The following CTNNA2 variants were observed in gnomAD, a reference collection of about 807,000 sequenced individuals.
The protein encoded by CTNNA2 is catenin alpha 2, also known as catenin alpha-2.
CTNNA2 carries 42 observed loss-of-function variants against 101.0 expected under a neutral mutation model. The ratio of observed to expected loss-of-function variants is 0.42; its 90% CI spans 0.32 to 0.54. The LOEUF (loss-of-function observed/expected upper bound fraction) is 0.54, where lower values mean the gene tolerates loss of function less well. Ranked by LOEUF, CTNNA2 falls within the 20% of genes least tolerant of loss-of-function variation. The pLI, the probability that CTNNA2 is intolerant of heterozygous loss-of-function variation, is 0.14. For synonymous variants in CTNNA2, 450 were observed against 456.4 expected (o/e 0.99, Z 0.18); for missense variants, 871 against 1,223.1 (o/e 0.71, Z 4.29).
intron 7 of CTNNA2, among the ~76,000 whole-genome samples, chr2:80,062,702 CTTTTT>C (rs70940073): frequency 8.5e-4 from 100 of 117,480 alleles, no homozygotes; most frequent in Non-Finnish European, 1.1e-3. Flanking sequence ...GCACTGTGAT[CTTTTT>C]TTTTTTTTTT....
At chr2:79,904,215 A>G (rs1289167029) in intron 6 of CTNNA2, among the ~76,000 whole-genome samples, 1 of 152,064 alleles carries the variant, frequency 6.6e-6, no homozygotes, top group Non-Finnish European at 1.5e-5. Context: ...CCATAACATC[A>G]TTAGCCATTT....
At chr2:79,451,294 G>A (rs1304529559) in intron 4 of CTNNA2, among the ~76,000 whole-genome samples, 1 of 152,066 alleles carries the variant, frequency 6.6e-6, no homozygotes, top group Non-Finnish European at 1.5e-5. Flanking sequence ...TTACAGATCT[G>A]CAGATTCTGC....
chr2:80,533,750 G>A lies in CTNNA2; in HGVS notation c.1291-11232G>A, dbSNP rs145934471. 5.3e-3 allele frequency among the ~76,000 whole-genome samples: 806 copies of A among 152,262 alleles called. 3 individuals are homozygous for A. The highest frequency in any genetic ancestry group is 9.3e-3 in the Non-Finnish European group (634 of 68,018). ...ACTTACATGAGATGCTGAAAACTAA[G>A]TAATAGTGGAGAGTTGCAAGGTTTT... On this transcript the variant is annotated intron_variant, in intron 9 of 18. Coordinates refer to ENST00000402739, the MANE Select transcript of CTNNA2 (RefSeq NM_001282597.3).
At chr2:80,224,547 C>T (rs750904909) in intron 7 of CTNNA2, among the ~76,000 whole-genome samples, 19 of 152,100 alleles carry the variant, frequency 1.2e-4, no homozygotes, top group South Asian at 4.2e-4. Context: ...TGGGTTCAAG[C>T]GATTCTCCTG....
At chr2:79,684,977 C>G (rs77621739) in intron 2 of CTNNA2, among the ~76,000 whole-genome samples, 2,900 of 152,220 alleles carry the variant, frequency 0.019, 56 homozygotes, top group African/African-American at 0.047. Flanking sequence ...AACAATGCAC[C>G]TACTTCATAA....
intron 2 of CTNNA2, among the ~76,000 whole-genome samples, chr2:79,716,788 A>G (rs1039524414): frequency 2.6e-5 from 4 of 152,158 alleles, no homozygotes; most frequent in African/African-American, 7.2e-5. Context: ...AAGAAAATCA[A>G]ATTTTAACAG....
intron 7 of CTNNA2, among the ~76,000 whole-genome samples, chr2:79,918,254 T>C (rs1373857608): frequency 1.3e-5 from 2 of 152,160 alleles, no homozygotes; most frequent in South Asian, 2.1e-4. Context: ...AATGAACTCA[T>C]AGGAATGTAA....
chr2:79,292,865 G>A (rs1675861827), intron 2 of CTNNA2: 1 of 152,204 alleles, frequency 6.6e-6, no homozygotes, highest in Admixed American at 6.5e-5. Context: ...CCCTTGTCTG[G>A]TCAGTATCAC....
intron 3 of CTNNA2, among the ~76,000 whole-genome samples, chr2:79,760,903 T>A (rs1456190387): frequency 6.6e-6 from 1 of 151,570 alleles, no homozygotes. Flanking sequence ...AAGCAGGGTG[T>A]TACGTGTGCC....
intron 2 of CTNNA2, among the ~76,000 whole-genome samples, chr2:79,721,055 AT>A (rs11290241): frequency 0.11 from 15,432 of 141,572 alleles, 941 homozygotes; most frequent in African/African-American, 0.19. Flanking sequence ...GAAAAGTATG[AT>A]TTTTTTTTTT....
chr2:79,647,114 A>G (rs1243426234), intron 1 of CTNNA2, among the ~76,000 whole-genome samples: 1 of 152,144 alleles, frequency 6.6e-6, no homozygotes, highest in Non-Finnish European at 1.5e-5. Flanking sequence ...CACAGATGGG[A>G]TTGAGACTAT....
chr2:80,184,651 C>A (rs1271358784), intron 7 of CTNNA2, among the ~76,000 whole-genome samples: 1 of 152,160 alleles, frequency 6.6e-6, no homozygotes, highest in Non-Finnish European at 1.5e-5. Context: ...GTGCAATGAA[C>A]TCCCCAATGG....
At chr2:79,854,928 T>C (rs1395558021) in intron 3 of CTNNA2, among the ~76,000 whole-genome samples, 1 of 152,182 alleles carries the variant, frequency 6.6e-6, no homozygotes, top group Non-Finnish European at 1.5e-5. Context: ...AGTAGCTAAT[T>C]TTATCCTGAT....
chr2:80,115,447 G>A (rs1353981934), intron 7 of CTNNA2, among the ~76,000 whole-genome samples: 1 of 152,198 alleles, frequency 6.6e-6, no homozygotes, highest in Non-Finnish European at 1.5e-5. Flanking sequence ...ATCTTCTGAA[G>A]ATTGGGCTCT....
intron 6 of CTNNA2, among the ~76,000 whole-genome samples, chr2:79,896,447 T>C (rs548474591): frequency 6.6e-6 from 1 of 152,340 alleles, no homozygotes; most frequent in East Asian, 1.9e-4. Context: ...CATCTGCAAA[T>C]ATTAGGTTCA....
At chr2:80,499,800 G>A (rs1021650116) in intron 9 of CTNNA2, among the ~76,000 whole-genome samples, 2 of 152,058 alleles carry the variant, frequency 1.3e-5, no homozygotes, top group Non-Finnish European at 2.9e-5. Context: ...CAGCCTGGGT[G>A]ACAACGTGAG....
intron 7 of CTNNA2, among the ~76,000 whole-genome samples, chr2:80,370,113 G>C (rs1298382356): frequency 6.6e-6 from 1 of 152,130 alleles, no homozygotes; most frequent in Non-Finnish European, 1.5e-5. Flanking sequence ...ACAACAAAAG[G>C]TTGAGGCATT....
intron 9 of CTNNA2, among the ~76,000 whole-genome samples, chr2:80,431,542 G>A (rs944384414): frequency 6.6e-6 from 1 of 152,154 alleles, no homozygotes; most frequent in African/African-American, 2.4e-5. Context: ...TGAATTTGTG[G>A]GTTACAAGGA....
chr2:79,781,674 C>A (rs1674437648), intron 3 of CTNNA2, among the ~76,000 whole-genome samples: 1 of 152,012 alleles, frequency 6.6e-6, no homozygotes, highest in Admixed American at 6.6e-5. Context: ...TGGAAGTAAA[C>A]AAATAATAAA....
Sources: gnomAD v4.1 joint callset for allele counts (sites outside exome capture counted in the v4.1 genomes callset) on GRCh38, gnomAD v4.1.1 for gene constraint, MANE v1.5 for transcripts, NCBI Gene and HGNC (gene_info 2026-07-23, HGNC 2026-07-21) for gene names.